The following KCNT2 variants were observed in gnomAD, a reference collection of about 807,000 sequenced individuals.
The protein encoded by KCNT2 is potassium sodium-activated channel subfamily T member 2, also known as potassium channel subfamily T member 2.
KCNT2 carries 67 observed loss-of-function variants against 153.8 expected under a neutral mutation model. That is an observed-to-expected ratio of 0.44 (90% CI 0.36 to 0.53). The LOEUF is 0.53. Ranked by LOEUF, KCNT2 falls within the 20% of genes least tolerant of loss-of-function variation. KCNT2 has a pLI of 0.00. For synonymous variants in KCNT2, 500 were observed against 458.8 expected (o/e 1.09, Z -1.15); for missense variants, 975 against 1,354.8 (o/e 0.72, Z 4.40).
At position 196,461,182 on chromosome 1, in the gene KCNT2, G is replaced by C. The variant is rs558759880; in HGVS notation, c.638+4111C>G. Among the ~76,000 whole-genome samples, 188 of 151,748 alleles carry C rather than the reference G, an allele frequency of 1.2e-3. 2 individuals are homozygous for C. Among genetic ancestry groups the C allele is most frequent in the African/African-American group, 3.0e-3 (124 of 41,406 alleles). On this transcript the variant is annotated intron_variant, in intron 8 of 27. Transcript: ENST00000294725. The stretch of plus-strand genomic sequence containing the variant: ...GCCGTTAGACTTTAACCAGTAAATA[G>C]AGTTCAAGAACTTAAGCATCCAGTG...
intron 14 of KCNT2, among the ~76,000 whole-genome samples, chr1:196,369,424 A>C (rs1392487356): frequency 6.6e-6 from 1 of 152,018 alleles, no homozygotes; most frequent in African/African-American, 2.4e-5. Flanking sequence ...TGCTGCACCC[A>C]CTAACTCGTC....
Position 196,412,633 on chromosome 1 carries a change from C to T in KCNT2, c.1185+10417G>A, listed in dbSNP as rs1052490507. ...AAGCTCTACAAATAACAGTTAGCAG[C>T]CCCCTACCCCCCAGCACACACAAAT... On this transcript the variant is annotated intron_variant, in intron 12 of 27. Coordinates refer to ENST00000294725, the MANE Select transcript of KCNT2 (RefSeq NM_198503.5). 5.9e-5 allele frequency among the ~76,000 whole-genome samples: 9 copies of T among 151,364 alleles called. No individual in the cohort carries two copies. In the Admixed American group the frequency reaches 6.0e-4, roughly 10 times the overall value.
intron 21 of KCNT2, among the ~76,000 whole-genome samples, chr1:196,308,993 A>G (rs1471458729): frequency 1.3e-5 from 2 of 151,978 alleles, no homozygotes; most frequent in African/African-American, 4.8e-5. Context: ...AAGATTCCTG[A>G]CTTTAAACAC....
chr1:196,601,446 C>A (rs1351563073), intron 1 of KCNT2, among the ~76,000 whole-genome samples: 1 of 152,142 alleles, frequency 6.6e-6, no homozygotes, highest in Non-Finnish European at 1.5e-5. Context: ...AATTTTATCC[C>A]TAGAGCTTAG....
At chr1:196,519,225 A>T (rs73069713) in intron 1 of KCNT2, among the ~76,000 whole-genome samples, 8,370 of 152,266 alleles carry the variant, frequency 0.055, 762 homozygotes, top group African/African-American at 0.19. Context: ...TAAGGCAGAA[A>T]TCAGGAAGTT....
intron 26 of KCNT2, among the ~76,000 whole-genome samples, chr1:196,236,350 A>T (rs1654436163): frequency 6.6e-6 from 1 of 151,578 alleles, no homozygotes; most frequent in African/African-American, 2.4e-5. Context: ...ACACTGAAAA[A>T]GTATTTTTCT....
intron 1 of KCNT2, among the ~76,000 whole-genome samples, chr1:196,581,273 T>A (rs1315279882): frequency 6.6e-6 from 1 of 152,082 alleles, no homozygotes; most frequent in Non-Finnish European, 1.5e-5. Flanking sequence ...TCTTACATGA[T>A]ACTTGAGGAG....
chr1:196,356,531 T>C (rs1177039482), intron 14 of KCNT2, among the ~76,000 whole-genome samples: 2 of 151,806 alleles, frequency 1.3e-5, no homozygotes, highest in African/African-American at 4.8e-5. Context: ...TAACAACACA[T>C]GCTTCCAAAT....
intron 18 of KCNT2, among the ~76,000 whole-genome samples, chr1:196,329,783 A>G (rs1664257770): frequency 6.8e-6 from 1 of 148,142 alleles, no homozygotes; most frequent in Non-Finnish European, 1.5e-5. Context: ...ATACACATAT[A>G]TATGTGTATA....
At chr1:196,234,737 T>C (rs768612185) in intron 27 of KCNT2, among the ~76,000 whole-genome samples, 1 of 151,524 alleles carries the variant, frequency 6.6e-6, no homozygotes, top group Non-Finnish European at 1.5e-5. Flanking sequence ...TGGATCCATA[T>C]TATGCTCAGC....
intron 18 of KCNT2, among the ~76,000 whole-genome samples, chr1:196,330,241 T>C (rs1192370792): frequency 1.3e-5 from 2 of 151,602 alleles, no homozygotes; most frequent in African/African-American, 4.8e-5. Context: ...ATAAAAATAA[T>C]AGCAAGAATA....
intron 14 of KCNT2, among the ~76,000 whole-genome samples, chr1:196,347,466 A>G (rs1261006252): frequency 6.6e-6 from 1 of 152,166 alleles, no homozygotes; most frequent in Non-Finnish European, 1.5e-5. Flanking sequence ...TCCTTCCTCC[A>G]TCATCAATTC....
At chr1:196,278,215 A>G (rs1017164775) in intron 25 of KCNT2, among the ~76,000 whole-genome samples, 1 of 152,192 alleles carries the variant, frequency 6.6e-6, no homozygotes, top group Non-Finnish European at 1.5e-5. Flanking sequence ...AGTCAGGCTC[A>G]ACTGTAGCAC....
chr1:196,331,294 A>G, intron 17 of KCNT2, 33 bp from the exon 18 acceptor site: 1 of 1,088,836 alleles, frequency 9.2e-7, no homozygotes, highest in Non-Finnish European at 1.4e-6. Flanking sequence ...ACCCTTGGAT[A>G]AGGCATGCAA....
At chr1:196,259,220 T>C (rs938926338) in intron 25 of KCNT2, among the ~76,000 whole-genome samples, 1 of 152,130 alleles carries the variant, frequency 6.6e-6, no homozygotes, top group Non-Finnish European at 1.5e-5. Flanking sequence ...CAGGCTGTTC[T>C]CCATAGGAGG....
chr1:196,466,194 T>A (rs1677601595), intron 7 of KCNT2, among the ~76,000 whole-genome samples: 1 of 152,116 alleles, frequency 6.6e-6, no homozygotes, highest in South Asian at 2.1e-4. Flanking sequence ...TGAGTTATTT[T>A]TTTCCAACAA....
intron 20 of KCNT2, 60 bp downstream of exon 20, chr1:196,319,424 A>G (rs1572023749): frequency 9.0e-7 from 1 of 1,108,282 alleles, no homozygotes; most frequent in Non-Finnish European, 1.4e-6. Context: ...AACAAGGCAC[A>G]GCACATGACA....
At chr1:196,374,869 G>A (rs1321761201) in intron 13 of KCNT2, among the ~76,000 whole-genome samples, 2 of 151,816 alleles carry the variant, frequency 1.3e-5, no homozygotes, top group East Asian at 3.9e-4. Context: ...AGAAAAATAT[G>A]TACATTTATT....
intron 1 of KCNT2, among the ~76,000 whole-genome samples, chr1:196,591,328 T>G (rs926188750): frequency 6.6e-6 from 1 of 152,090 alleles, no homozygotes; most frequent in African/African-American, 2.4e-5. Context: ...AGAAAAAGGA[T>G]GCTGGTACCA....
Sources: gnomAD v4.1 joint callset for allele counts (sites outside exome capture counted in the v4.1 genomes callset) on GRCh38, gnomAD v4.1.1 for gene constraint, MANE v1.5 for transcripts, NCBI Gene and HGNC (gene_info 2026-07-23, HGNC 2026-07-21) for gene names.